The following LIMS1 variants were observed in gnomAD, a reference collection of about 807,000 sequenced individuals.
LIMS1 encodes the protein LIM and senescent cell antigen-like-containing domain protein 1.
LIMS1 carries 18 observed loss-of-function variants against 44.1 expected under a neutral mutation model. The observed-to-expected ratio is 0.41, with a 90% CI of 0.28 to 0.61. The LOEUF is 0.61. Among genes scored for constraint, LIMS1 ranks in the 20% least tolerant of loss-of-function variants. LIMS1 has a pLI of 0.32. For missense variants in LIMS1, 201 were observed against 422.0 expected, an observed-to-expected ratio of 0.48 and a Z score of 4.59; for synonymous variants, 93 against 149.1, an observed-to-expected ratio of 0.62 and a Z score of 2.74.
intron 8 of LIMS1, among the ~76,000 whole-genome samples, chr2:108,679,515 A>G (rs1395241840): frequency 4.6e-5 from 7 of 152,104 alleles, no homozygotes; most frequent in African/African-American, 1.2e-4. Context: ...AAGACAATGT[A>G]CATAGGTTAT....
chr2:108,622,560 T>C (rs372394440), intron 1 of LIMS1, among the ~76,000 whole-genome samples: 2 of 152,340 alleles, frequency 1.3e-5, no homozygotes, highest in East Asian at 3.9e-4. Flanking sequence ...TCGCTTACTA[T>C]GTCAGGTGTC....
intron 1 of LIMS1, among the ~76,000 whole-genome samples, chr2:108,564,141 A>G (rs1685216029): frequency 6.6e-6 from 1 of 152,040 alleles, no homozygotes; most frequent in Non-Finnish European, 1.5e-5. Flanking sequence ...AGCAGCCACC[A>G]TCCTGATCAG....
At chr2:108,543,781 T>C (rs1371856100) in intron 1 of LIMS1, among the ~76,000 whole-genome samples, 4 of 152,224 alleles carry the variant, frequency 2.6e-5, no homozygotes, top group African/African-American at 9.6e-5. Flanking sequence ...ACTGCAATTT[T>C]GAGTTGGTCT....
At chr2:108,588,732 G>A (rs922270596) in intron 1 of LIMS1, 6 of 478,632 alleles carry the variant, frequency 1.3e-5, no homozygotes, top group Non-Finnish European at 1.6e-5. Flanking sequence ...TGCAGAAAGG[G>A]TCTTGGGTGA....
intron 1 of LIMS1, among the ~76,000 whole-genome samples, chr2:108,582,385 C>T (rs1364731697): frequency 3.9e-5 from 6 of 152,158 alleles, no homozygotes; most frequent in Admixed American, 3.3e-4. Flanking sequence ...TGGTTAAAAA[C>T]GTAAGAAAGA....
At chr2:108,677,688 C>G (rs1692665468) in intron 7 of LIMS1, among the ~76,000 whole-genome samples, 1 of 152,198 alleles carries the variant, frequency 6.6e-6, no homozygotes, top group Admixed American at 6.5e-5. Flanking sequence ...CCCACCTCCT[C>G]TCCCGTCTAT....
intron 2 of LIMS1, among the ~76,000 whole-genome samples, chr2:108,669,096 C>T (rs1691985879): frequency 1.3e-5 from 2 of 152,154 alleles, no homozygotes; most frequent in African/African-American, 4.8e-5. Flanking sequence ...AAATATATTA[C>T]AGCTTATTCA....
chr2:108,608,326 G>A (rs1421048298), intron 1 of LIMS1, among the ~76,000 whole-genome samples: 1 of 143,294 alleles, frequency 7.0e-6, no homozygotes, highest in Non-Finnish European at 1.5e-5. Flanking sequence ...TTTTTTTTGA[G>A]ACGGTGTCTC....
At chr2:108,552,232 T>G (rs1326392433) in intron 1 of LIMS1, among the ~76,000 whole-genome samples, 1 of 141,614 alleles carries the variant, frequency 7.1e-6, no homozygotes, top group Non-Finnish European at 1.5e-5. Context: ...ATACATTAGT[T>G]ATATATACTA....
intron 1 of LIMS1, among the ~76,000 whole-genome samples, chr2:108,573,830 T>A (rs955304430): frequency 4.6e-5 from 7 of 152,154 alleles, no homozygotes; most frequent in African/African-American, 1.2e-4. Context: ...ATCTTGGAAG[T>A]CTTCTCTGAG....
chr2:108,600,408 T>C (rs1013943465), intron 1 of LIMS1, among the ~76,000 whole-genome samples: 11 of 152,256 alleles, frequency 7.2e-5, no homozygotes, highest in African/African-American at 2.6e-4. Flanking sequence ...TTTGGTTGCC[T>C]GTGCTTGTGG....
chr2:108,649,719 A>G (rs1287244310), intron 1 of LIMS1, among the ~76,000 whole-genome samples: 2 of 152,202 alleles, frequency 1.3e-5, no homozygotes, highest in Non-Finnish European at 2.9e-5. Context: ...AACTAACACG[A>G]GAACAAAAAA....
intron 1 of LIMS1, among the ~76,000 whole-genome samples, chr2:108,560,116 TG>T (rs796779677): frequency 9.2e-5 from 14 of 152,130 alleles, no homozygotes; most frequent in African/African-American, 3.4e-4. Flanking sequence ...GGCCACAGGG[TG>T]GGTGTCCACA....
At chr2:108,635,699 CA>C (rs1180398179) in intron 1 of LIMS1, among the ~76,000 whole-genome samples, 1 of 151,508 alleles carries the variant, frequency 6.6e-6, no homozygotes, top group Non-Finnish European at 1.5e-5. Context: ...GACTCCATCT[CA>C]AAAAAAAGAA....
intron 1 of LIMS1, among the ~76,000 whole-genome samples, chr2:108,650,535 A>G (rs1690403604): frequency 6.6e-6 from 1 of 151,496 alleles, no homozygotes; most frequent in East Asian, 1.9e-4. Context: ...CTCCTGCCTC[A>G]GCCTCCTGAG....
At chr2:108,585,468 C>G (rs182326031) in intron 1 of LIMS1, among the ~76,000 whole-genome samples, 185 of 152,190 alleles carry the variant, frequency 1.2e-3, no homozygotes, top group African/African-American at 4.4e-3. Flanking sequence ...GTTTGAGTTG[C>G]CTGTGACGAT....
rs577632686 is a variant in LIMS1 at position 108,642,595 on chromosome 2, G to A, written c.33-17010G>A. On this transcript the variant is annotated intron_variant, in intron 1 of 9. Transcript: ENST00000544547. ...AGGATGGTCTCGATCTCCTGACCTCGTGATCCGCCCGCCTCGGCCTCCCAA... is the reference window on the plus strand; with the variant it reads ...AGGATGGTCTCGATCTCCTGACCTCATGATCCGCCCGCCTCGGCCTCCCAA... 5.5e-4 allele frequency among the ~76,000 whole-genome samples: 84 copies of A among 152,050 alleles called. No homozygotes were observed. In the Middle Eastern group the frequency reaches 0.01, roughly 18 times the overall value.
intron 9 of LIMS1, among the ~76,000 whole-genome samples, chr2:108,682,685 T>G (rs1693085080): frequency 6.6e-6 from 1 of 152,190 alleles, no homozygotes; most frequent in Non-Finnish European, 1.5e-5. Flanking sequence ...AGATTTTTCA[T>G]TTTAGATATG....
intron 1 of LIMS1, among the ~76,000 whole-genome samples, chr2:108,549,769 CA>C (rs1190107112): frequency 6.6e-6 from 1 of 152,056 alleles, no homozygotes; most frequent in Non-Finnish European, 1.5e-5. Context: ...GAGGAATAAA[CA>C]GGCAAGAATA....
Sources: allele counts gnomAD v4.1 joint callset (sites outside exome capture counted in the v4.1 genomes callset), GRCh38; gene constraint gnomAD v4.1.1; transcripts MANE v1.5; gene names NCBI Gene and HGNC (gene_info 2026-07-23, HGNC 2026-07-21).